The following TENM2 variants were observed in gnomAD, a reference collection of about 807,000 sequenced individuals.
TENM2 encodes the protein teneurin transmembrane protein 2.
TENM2 carries 52 observed loss-of-function variants against 245.2 expected under a neutral mutation model. The ratio of observed to expected loss-of-function variants is 0.21; its 90% confidence interval spans 0.17 to 0.27. TENM2 has a LOEUF of 0.27. Ranked by LOEUF, TENM2 falls within the 10% of genes least tolerant of loss-of-function variation. TENM2 has a pLI of 1.00. For synonymous variants in TENM2, 1,363 were observed against 1,438.9 expected (o/e 0.95, Z 1.19); for missense variants, 3,046 against 3,666.8 (o/e 0.83, Z 4.37).
chr5:167,110,184 C>A, the TENM2 span, among the ~76,000 whole-genome samples: 1 of 152,170 alleles, frequency 6.6e-6, no homozygotes, highest in African/African-American at 2.4e-5. Context: ...GTCAAATTGT[C>A]CACCACTGAA....
chr5:168,051,630 A>G (rs1789095347), intron 6 of TENM2, among the ~76,000 whole-genome samples: 1 of 152,194 alleles, frequency 6.6e-6, no homozygotes, highest in African/African-American at 2.4e-5. Flanking sequence ...ATTCTTGGTA[A>G]CTTTGCATTG....
the TENM2 span, among the ~76,000 whole-genome samples, chr5:167,140,414 A>G: frequency 1.3e-5 from 2 of 152,124 alleles, no homozygotes; most frequent in South Asian, 2.1e-4. Context: ...GTACTCATTA[A>G]CCATCCTGAA....
At chr5:167,103,593 T>A in the TENM2 span, among the ~76,000 whole-genome samples, 1 of 152,204 alleles carries the variant, frequency 6.6e-6, no homozygotes, top group African/African-American at 2.4e-5. Flanking sequence ...CTGTCTTAGT[T>A]TGCACAGTCT....
At chr5:167,360,355 C>G (rs1247585431) in intron 1 of TENM2, among the ~76,000 whole-genome samples, 1 of 152,122 alleles carries the variant, frequency 6.6e-6, no homozygotes, top group African/African-American at 2.4e-5. Context: ...ATTTCAAGCC[C>G]TTAGAACCAG....
At chr5:168,124,930 C>T in exon 11 of TENM2, 2 of 1,612,874 alleles carry the variant, frequency 1.2e-6, no homozygotes, top group East Asian at 2.2e-5. Context: ...CTGGGGTGGT[C>T]TGAACTGTGA....
chr5:167,481,652 A>G (rs1044998668), intron 2 of TENM2, among the ~76,000 whole-genome samples: 4 of 152,198 alleles, frequency 2.6e-5, no homozygotes, highest in Non-Finnish European at 5.9e-5. Flanking sequence ...CAAAGATGAA[A>G]TAAGTATGAA....
chr5:168,167,664 G>T (rs776918619), intron 13 of TENM2, among the ~76,000 whole-genome samples: 1 of 152,214 alleles, frequency 6.6e-6, no homozygotes, highest in Admixed American at 6.5e-5. Flanking sequence ...ACACAGCACT[G>T]AAAGATGTTT....
At chr5:167,587,909 T>C (rs1036369455) in intron 2 of TENM2, among the ~76,000 whole-genome samples, 1 of 152,108 alleles carries the variant, frequency 6.6e-6, no homozygotes, top group Non-Finnish European at 1.5e-5. Flanking sequence ...CCGTGAGCCA[T>C]GTGGTTTGCA....
intron 13 of TENM2, among the ~76,000 whole-genome samples, chr5:168,181,813 A>G (rs1037319341): frequency 1.1e-4 from 16 of 151,458 alleles, no homozygotes; most frequent in African/African-American, 3.9e-4. Flanking sequence ...AATAGCTGGG[A>G]CTACAGGTGT....
chr5:168,153,331 G>A (rs753588710), intron 12 of TENM2, among the ~76,000 whole-genome samples: 1 of 152,166 alleles, frequency 6.6e-6, no homozygotes, highest in South Asian at 2.1e-4. Flanking sequence ...TTGAAAGTGC[G>A]GCCCAGTTAA....
chr5:167,151,860 G>A, the TENM2 span, among the ~76,000 whole-genome samples: 1 of 152,142 alleles, frequency 6.6e-6, no homozygotes, highest in Non-Finnish European at 1.5e-5. Context: ...TTGGTAATGT[G>A]CAGTTTTCCA....
intron 2 of TENM2, among the ~76,000 whole-genome samples, chr5:167,568,419 C>G (rs1257939786): frequency 6.6e-6 from 1 of 152,022 alleles, no homozygotes; most frequent in African/African-American, 2.4e-5. Context: ...GTATCAGACC[C>G]ACATATACTG....
intron 2 of TENM2, among the ~76,000 whole-genome samples, chr5:167,513,046 G>A (rs368468951): frequency 6.6e-6 from 1 of 152,160 alleles, no homozygotes; most frequent in Non-Finnish European, 1.5e-5. Flanking sequence ...TTGTGGAAGA[G>A]TTGAAACACA....
intron 4 of TENM2, among the ~76,000 whole-genome samples, chr5:167,971,517 A>G (rs1016849596): frequency 5.3e-5 from 8 of 152,112 alleles, no homozygotes; most frequent in African/African-American, 9.7e-5. Context: ...CCTGACGAAC[A>G]TGGTGAAACT....
intron 2 of TENM2, among the ~76,000 whole-genome samples, chr5:167,529,492 T>C (rs1297737852): frequency 6.6e-6 from 1 of 152,234 alleles, no homozygotes; most frequent in Non-Finnish European, 1.5e-5. Context: ...CTTAATGTGT[T>C]CACTTTCTGC....
chr5:167,766,410 T>G (rs971420102), intron 2 of TENM2, among the ~76,000 whole-genome samples: 2 of 152,224 alleles, frequency 1.3e-5, no homozygotes, highest in Admixed American at 1.3e-4. Context: ...TGGCAGAGTT[T>G]ATTATTTTAT....
chr5:167,244,254 A>G, the TENM2 span, among the ~76,000 whole-genome samples: 4 of 152,216 alleles, frequency 2.6e-5, no homozygotes, highest in African/African-American at 9.6e-5. Context: ...GCAAATTATA[A>G]TAATGATAAT....
At chr5:168,147,383 G>C (rs1756192971) in intron 12 of TENM2, among the ~76,000 whole-genome samples, 1 of 152,194 alleles carries the variant, frequency 6.6e-6, no homozygotes, top group Non-Finnish European at 1.5e-5. Flanking sequence ...ATTTTGCACG[G>C]ACGTTTAATT....
At chr5:167,123,048 G>A in the TENM2 span, among the ~76,000 whole-genome samples, 1 of 151,672 alleles carries the variant, frequency 6.6e-6, no homozygotes, top group Non-Finnish European at 1.5e-5. Context: ...CTGTAATCCC[G>A]GCACTTTGGG....
Sources: gnomAD v4.1 joint callset for allele counts (sites outside exome capture counted in the v4.1 genomes callset) on GRCh38, gnomAD v4.1.1 for gene constraint, MANE v1.5 for transcripts, NCBI Gene and HGNC (gene_info 2026-07-23, HGNC 2026-07-21) for gene names.